Variants in IK observed in about 807,000 individuals in gnomAD.
IK encodes IK cytokine, also known as protein Red.
Under a neutral mutation model 90.9 loss-of-function variants are expected in IK, and 47 were observed. That is an observed-to-expected ratio of 0.52 (90% CI 0.41 to 0.66). IK has a LOEUF of 0.66. IK is among the 30% of genes least tolerant of loss of function. The probability of loss-of-function intolerance (pLI) is 0.00; values close to 1 mark genes in which losing one functional copy is unlikely to be tolerated. For synonymous variants in IK, 201 were observed against 227.5 expected (o/e 0.88, Z 1.05); for missense variants, 385 against 709.3 (o/e 0.54, Z 5.19).
chr5:140,659,652 G>A (rs944083476), intron 13 of IK, 104 bp from the exon 14 acceptor site: 3 of 762,684 alleles, frequency 3.9e-6, no homozygotes, highest in Non-Finnish European at 4.5e-6. Flanking sequence ...AACTTTGTTA[G>A]ACAAAAGGGT....
intron 9 of IK, 31 bp downstream of exon 9, chr5:140,656,023 T>G: frequency 6.5e-7 from 1 of 1,548,948 alleles, no homozygotes; most frequent in Non-Finnish European, 8.7e-7. Flanking sequence ...GAGCCTATCA[T>G]GTGAGCCTCA....
chr5:140,655,189 T>C (rs763132941), intron 8 of IK, among the ~76,000 whole-genome samples: 1 of 152,160 alleles, frequency 6.6e-6, no homozygotes, highest in Non-Finnish European at 1.5e-5. Flanking sequence ...CTCAGGTAGA[T>C]TGAAAGATTT....
At chr5:140,652,518 CCAT>C (rs1486687239) in intron 4 of IK, among the ~76,000 whole-genome samples, 1 of 152,010 alleles carries the variant, frequency 6.6e-6, no homozygotes, top group African/African-American at 2.4e-5. Flanking sequence ...ATCTTGACGG[CCAT>C]CATCATTATT....
At position 140,653,473 on chromosome 5, in the gene IK, A is replaced by G. The variant is rs577202907; in HGVS notation, c.404+329A>G. ...GGCTAATTTTTTGTATTTTTAGTAG[A>G]GACAGGGTTTCACCGTGTTAGCCAG... is the stretch of plus-strand genomic sequence containing the variant. On this transcript the variant is annotated intron_variant, in intron 5 of 19. Transcript: ENST00000417647. Among the ~76,000 whole-genome samples, 294 of 148,912 alleles carry G rather than the reference A, an allele frequency of 2.0e-3. 2 individuals carry two copies. Among genetic ancestry groups the G allele is most frequent in the African/African-American group, 6.6e-3 (268 of 40,416 alleles).
At chr5:140,648,009 T>G (rs1029164158) in intron 1 of IK, 85 bp downstream of exon 1, 69 of 677,888 alleles carry the variant, frequency 1.0e-4, no homozygotes, top group African/African-American at 3.4e-4. Context: ...TTAAGCCGGG[T>G]GTGTGTGTGT....
chr5:140,650,433 A>T (rs936817060), intron 2 of IK, among the ~76,000 whole-genome samples: 2 of 152,196 alleles, frequency 1.3e-5, no homozygotes, highest in African/African-American at 4.8e-5. Flanking sequence ...CTTTAATTTG[A>T]TCAAGAGAGG....
chr5:140,654,081 A>C (rs1757663517), intron 6 of IK, 29 bp downstream of exon 6: 1 of 1,287,484 alleles, frequency 7.8e-7, no homozygotes, highest in Non-Finnish European at 1.1e-6. Flanking sequence ...GTGGGGAGTA[A>C]TACTGTCGTG....
intron 2 of IK, chr5:140,648,741 G>GTTTTTT: frequency 2.1e-6 from 1 of 466,374 alleles, no homozygotes; most frequent in Middle Eastern, 5.7e-4. Flanking sequence ...AAGGTGTTAA[G>GTTTTTT]TTTTTTTTTT....
rs770095389 is a variant in IK, at chr5:140,657,544, G to C, written c.802-10G>C. On this transcript the variant is annotated splice_polypyrimidine_tract_variant and intron_variant, in intron 9 of 19. Transcript: ENST00000417647. ...AGTGGTTTAACATTCTTGTTTCTTG[G>C]TATTTTCAGGCCCAGACCACACTGA... is the stretch of plus-strand genomic sequence containing the variant. The C allele has an allele frequency of 2.5e-6, 4 of 1,574,744 alleles. No homozygotes were observed. The highest frequency in any genetic ancestry group is 3.5e-6 in the Non-Finnish European group (4 of 1,159,408).
At chr5:140,652,554 G>C (rs1757631335) in intron 4 of IK, among the ~76,000 whole-genome samples, 1 of 152,132 alleles carries the variant, frequency 6.6e-6, no homozygotes, top group South Asian at 2.1e-4. Context: ...TTATTTATAT[G>C]ATACGAAAGT....
At position 140,651,577 on chromosome 5, in the gene IK, A is replaced by AC; in HGVS notation, c.84-137_84-136insC. 6.0e-6 allele frequency: 3 copies of AC among 499,420 alleles called. No individual in the cohort carries two copies. In the South Asian group the frequency reaches 7.8e-5, roughly 13 times the overall value. 30.9% of individuals were successfully genotyped at this position (499,420 alleles called of 1,614,324 possible). A position where few individuals can be genotyped will look rare whatever the true frequency, so the allele number is the denominator to read the frequency against. Reference sequence around the variant, plus strand: ...TGGGTGACAGTGAGACTCCGTCTCAAAAAAAAAAAAACAGTGTCATATCTT... The same window carrying AC: ...TGGGTGACAGTGAGACTCCGTCTCAACAAAAAAAAAAACAGTGTCATATCTT... On this transcript the variant is annotated intron_variant, in intron 2 of 19. Transcript: ENST00000417647.
intron 9 of IK, 88 bp from the exon 10 acceptor site, chr5:140,657,466 T>G (rs1040894153): frequency 2.2e-6 from 2 of 899,572 alleles, no homozygotes; most frequent in Non-Finnish European, 3.5e-6. Context: ...GTATTGTAAT[T>G]CAGTCTTTAG....
At chr5:140,660,407 C>G (rs571755941) in intron 15 of IK, 91 of 539,216 alleles carry the variant, frequency 1.7e-4, no homozygotes, top group Non-Finnish European at 2.8e-4. Flanking sequence ...AAGCGATTCT[C>G]CTGCCTCACC....
At chr5:140,657,095 C>T (rs985869383) in intron 9 of IK, among the ~76,000 whole-genome samples, 9 of 152,096 alleles carry the variant, frequency 5.9e-5, no homozygotes, top group South Asian at 2.1e-4. Context: ...CCCAGTTACT[C>T]GGAAGGCTGA....
intron 9 of IK, 102 bp downstream of exon 9, chr5:140,656,094 G>T: frequency 8.9e-7 from 1 of 1,117,670 alleles, no homozygotes; most frequent in Non-Finnish European, 1.3e-6. Flanking sequence ...ACCAAGTGCT[G>T]TTCACTTTTA....
chr5:140,649,347 T>C (rs1447480812), intron 2 of IK, among the ~76,000 whole-genome samples: 1 of 151,550 alleles, frequency 6.6e-6, no homozygotes, highest in Non-Finnish European at 1.5e-5. Flanking sequence ...TAGCTGGGAC[T>C]ACAGGCATGT....
intron 9 of IK, among the ~76,000 whole-genome samples, chr5:140,657,198 G>A (rs1757727152): frequency 6.6e-6 from 1 of 152,206 alleles, no homozygotes; most frequent in African/African-American, 2.4e-5. Flanking sequence ...ATGAGACTCT[G>A]TCTCCAAATA....
rs757032334 is a variant in IK, at chr5:140,655,835, A to G, written c.644A>G (p.Asn215Ser). Residue 215 changes from asparagine to serine, a missense_variant, in exon 9 of 20, where the codon AAT (asparagine) becomes AGT (serine). Asn to Ser is a conservative substitution (Grantham distance 46). Around this residue, in one of 8 missense-constraint regions of IK, gnomAD observed 46 missense variants for 50.0 expected, o/e 0.92. Coordinates refer to ENST00000417647, the MANE Select transcript of IK (RefSeq NM_006083.4). ...GCTCTTCTCCTTATTGTAGGCCGCAATGTTTACCGAATGCTTTTTAAGAGC... is the reference window on the plus strand; with the variant it reads ...GCTCTTCTCCTTATTGTAGGCCGCAGTGTTTACCGAATGCTTTTTAAGAGC... Reference protein sequence around the residue: ...KIEFKTRLGRNVYRMLFKSKA... With the variant: ...KIEFKTRLGRSVYRMLFKSKA... The G allele has an allele frequency of 1.8e-5, 29 of 1,610,482 alleles. No homozygotes were observed. Among genetic ancestry groups the G allele is most frequent in the Non-Finnish European group, 2.0e-5 (24 of 1,178,406 alleles).
intron 15 of IK, 53 bp from the exon 16 acceptor site, chr5:140,660,705 T>A (rs1757790136): frequency 2.1e-6 from 3 of 1,446,468 alleles, no homozygotes; most frequent in Non-Finnish European, 2.9e-6. Context: ...GGTTTCCAGA[T>A]GAAGCATAGG....
Sources: gnomAD v4.1 joint callset for allele counts (sites outside exome capture counted in the v4.1 genomes callset) on GRCh38, gnomAD v4.1.1 for gene constraint, gnomAD v4.1.1 regional missense constraint, MANE v1.5 for transcripts, NCBI Gene and HGNC (gene_info 2026-07-23, HGNC 2026-07-21) for gene names.